The following PRKG2 variants were observed in gnomAD, a reference collection of about 807,000 sequenced individuals.
PRKG2 encodes the protein cGMP-dependent protein kinase 2.
Under a neutral mutation model 97.2 loss-of-function variants are expected in PRKG2, and 33 were observed. The ratio of observed to expected loss-of-function variants is 0.34; its 90% CI spans 0.26 to 0.45. The LOEUF is 0.45. Ranked by LOEUF, PRKG2 falls within the 20% of genes least tolerant of loss-of-function variation. The probability of loss-of-function intolerance (pLI) is 1.00; values close to 1 mark genes in which losing one functional copy is unlikely to be tolerated. For missense variants in PRKG2, 638 were observed against 900.0 expected, an observed-to-expected ratio of 0.71 and a Z score of 3.73; for synonymous variants, 330 against 321.8, an observed-to-expected ratio of 1.03 and a Z score of -0.27.
At chr4:81,174,699 T>C in intron 3 of PRKG2, 94 bp downstream of exon 3, 1 of 1,291,888 alleles carries the variant, frequency 7.7e-7, no homozygotes, top group Non-Finnish European at 1.1e-6. Context: ...TTTCTACAAA[T>C]AGAGCAACCA....
chr4:81,183,079 A>G (rs968092615), intron 2 of PRKG2, among the ~76,000 whole-genome samples: 5 of 137,044 alleles, frequency 3.6e-5, no homozygotes, highest in Non-Finnish European at 7.4e-5. Context: ...CACAACATTG[A>G]AGAATAAAAA....
At chr4:81,147,974 AT>A (rs1358009504) in intron 9 of PRKG2, among the ~76,000 whole-genome samples, 4 of 152,036 alleles carry the variant, frequency 2.6e-5, no homozygotes, top group Admixed American at 6.6e-5. Flanking sequence ...TAAATTGATC[AT>A]TGTTTAACTT....
chr4:81,182,688 T>C (rs1422204930), intron 2 of PRKG2, among the ~76,000 whole-genome samples: 1 of 152,072 alleles, frequency 6.6e-6, no homozygotes, highest in African/African-American at 2.4e-5. Flanking sequence ...TATCAACAGG[T>C]GATTTCAACA....
intron 3 of PRKG2, chr4:81,173,753 G>T (rs1222080874): frequency 6.6e-6 from 1 of 151,932 alleles, no homozygotes. Context: ...TTATTAATTT[G>T]TTTAGATAGA....
At chr4:81,171,107 T>G (rs907796037) in intron 4 of PRKG2, among the ~76,000 whole-genome samples, 14 of 152,086 alleles carry the variant, frequency 9.2e-5, no homozygotes, top group African/African-American at 3.4e-4. Context: ...ACTATCAACT[T>G]AACACCTAGG....
chr4:81,096,307 T>C (rs1310023279), intron 17 of PRKG2, among the ~76,000 whole-genome samples: 1 of 152,018 alleles, frequency 6.6e-6, no homozygotes, highest in Admixed American at 6.6e-5. Flanking sequence ...TTTGGGAGGC[T>C]AATGTGGGAG....
intron 14 of PRKG2, among the ~76,000 whole-genome samples, chr4:81,110,972 T>C (rs1253657033): frequency 6.6e-6 from 1 of 151,534 alleles, no homozygotes; most frequent in Non-Finnish European, 1.5e-5. Flanking sequence ...ACTAAACAGA[T>C]GTTTAATTCA....
At chr4:81,114,665 G>C (rs1744329107) in intron 14 of PRKG2, among the ~76,000 whole-genome samples, 1 of 152,068 alleles carries the variant, frequency 6.6e-6, no homozygotes, top group South Asian at 2.1e-4. Flanking sequence ...ACATAAACAA[G>C]TTATAAAGCA....
At chr4:81,179,649 C>T (rs536225220) in intron 2 of PRKG2, among the ~76,000 whole-genome samples, 15 of 151,960 alleles carry the variant, frequency 9.9e-5, no homozygotes, top group African/African-American at 1.9e-4. Flanking sequence ...ATACCTTGTG[C>T]GGTGTAAAAT....
chr4:81,155,945 G>C (rs1026097076), intron 6 of PRKG2, among the ~76,000 whole-genome samples: 5 of 151,998 alleles, frequency 3.3e-5, no homozygotes, highest in Admixed American at 3.3e-4. Flanking sequence ...AACATGGAAA[G>C]GAACAACCGG....
At chr4:81,183,730 C>A (rs926740215) in intron 2 of PRKG2, among the ~76,000 whole-genome samples, 1 of 152,142 alleles carries the variant, frequency 6.6e-6, no homozygotes, top group African/African-American at 2.4e-5. Context: ...GACCAGCAAG[C>A]TAAGATCCAC....
chr4:81,183,561 G>A (rs537203643), intron 2 of PRKG2, among the ~76,000 whole-genome samples: 3 of 152,146 alleles, frequency 2.0e-5, no homozygotes, highest in East Asian at 1.9e-4. Flanking sequence ...AAAACTGGGC[G>A]GCCATTTGGA....
At chr4:81,099,266 G>C (rs1163609226) in intron 17 of PRKG2, among the ~76,000 whole-genome samples, 3 of 152,052 alleles carry the variant, frequency 2.0e-5, no homozygotes, top group Non-Finnish European at 4.4e-5. Context: ...ACAAAAAAGA[G>C]AATTTTAGAC....
Position 81,142,905 on chromosome 4 carries a change from C to CAG in PRKG2, c.1294_1295dup (p.Glu433TrpfsTer3). 6.2e-7 allele frequency: 1 copy of CAG among 1,613,244 alleles called. No individual in the cohort carries two copies. Among genetic ancestry groups the CAG allele is most frequent in the Non-Finnish European group, 8.5e-7 (1 of 1,179,472 alleles). On this transcript the variant is annotated frameshift_variant, in exon 11 of 19. Coordinates refer to ENST00000264399, the MANE Select transcript of PRKG2 (RefSeq NM_006259.3). LOFTEE classifies it high-confidence loss of function. ...CCTTCTCCTTCAGCTGAATCATTTC[C>CAG]AGAGAGAGTGCTTTGGACAGCTTCC...
At chr4:81,157,513 T>A (rs1749209933) in intron 6 of PRKG2, among the ~76,000 whole-genome samples, 1 of 152,228 alleles carries the variant, frequency 6.6e-6, no homozygotes, top group Non-Finnish European at 1.5e-5. Flanking sequence ...AAGGAGGAAC[T>A]GGTACCATTC....
intron 9 of PRKG2, among the ~76,000 whole-genome samples, chr4:81,148,374 G>T (rs954100214): frequency 5.9e-5 from 9 of 152,062 alleles, no homozygotes; most frequent in African/African-American, 1.7e-4. Flanking sequence ...GACTTATTTT[G>T]AAGAATAACC....
intron 2 of PRKG2, among the ~76,000 whole-genome samples, chr4:81,193,853 T>C (rs147163039): frequency 6.6e-6 from 1 of 152,084 alleles, no homozygotes; most frequent in African/African-American, 2.4e-5. Context: ...CAAAAATAAA[T>C]TAACAAACAA....
intron 18 of PRKG2, 121 bp from the exon 19 acceptor site, chr4:81,089,924 T>A: frequency 2.6e-6 from 2 of 768,288 alleles, no homozygotes; most frequent in Admixed American, 2.7e-5. Flanking sequence ...GGAAGTTACA[T>A]ACAAGAAAAA....
intron 17 of PRKG2, among the ~76,000 whole-genome samples, chr4:81,099,693 G>C (rs1462994801): frequency 6.6e-6 from 1 of 152,068 alleles, no homozygotes; most frequent in African/African-American, 2.4e-5. Context: ...ATTCAACATA[G>C]TGTTGGAAGT....
Sources: allele counts gnomAD v4.1 joint callset (sites outside exome capture counted in the v4.1 genomes callset), GRCh38; gene constraint gnomAD v4.1.1; transcripts MANE v1.5; gene names NCBI Gene and HGNC (gene_info 2026-07-23, HGNC 2026-07-21).